The following BCAP29 variants were observed in gnomAD, a reference collection of about 807,000 sequenced individuals.
The protein encoded by BCAP29 is B-cell receptor-associated protein 29.
BCAP29 carries 34 observed loss-of-function variants against 31.8 expected under a neutral mutation model. The ratio of observed to expected loss-of-function variants is 1.07; its 90% CI spans 0.81 to 1.42. BCAP29 has a LOEUF of 1.42. Ranked by LOEUF, BCAP29 falls within the 40% of genes most tolerant of loss-of-function variation. The pLI, the probability that BCAP29 is intolerant of heterozygous loss-of-function variation, is 0.00. For missense variants in BCAP29, 314 were observed against 269.2 expected, an observed-to-expected ratio of 1.17 and a Z score of -1.16; for synonymous variants, 104 against 91.3, an observed-to-expected ratio of 1.14 and a Z score of -0.79.
Position 107,595,902 on chromosome 7 carries a change from T to C in BCAP29, c.380T>C (p.Leu127Pro). Residue 127 changes from leucine (L) to proline (P), a missense_variant, in exon 5 of 8, where the codon CTG becomes CCG. Physicochemically the swap from Leu to Pro is moderately conservative, Grantham distance 98. Transcript: ENST00000005259. ...CGTCTGGTTACGCTTATTACTCAAC[T>C]GGCAAAAGAACTGTCAAACAAAGGT... ...LRRLVTLITQ[L>P]AKELSNKGVL... The C allele has an allele frequency of 6.2e-7, 1 of 1,602,900 alleles. No homozygotes were observed. Among genetic ancestry groups the C allele is most frequent in the Non-Finnish European group, 8.5e-7 (1 of 1,176,676 alleles).
rs1475589518 is a variant in BCAP29 at position 107,613,419 on chromosome 7, ACT to A, written c.680_681del (p.Ser227Ter). On this transcript the variant is annotated frameshift_variant, in exon 7 of 8. Transcript: ENST00000005259. LOFTEE classifies it high-confidence loss of function. ...GAATATGATCAACTCCTGAAAGAAC[ACT>A]CTGAACTTCAGGTGGGTGTGACATG... is the stretch of plus-strand genomic sequence containing the variant. The A allele has an allele frequency of 1.9e-6, 3 of 1,606,300 alleles. No individual in the cohort carries two copies. In the African/African-American group the frequency reaches 4.0e-5, roughly 22 times the overall value.
chr7:107,599,418 G>A (rs1810741151), intron 5 of BCAP29, among the ~76,000 whole-genome samples: 1 of 142,850 alleles, frequency 7.0e-6, no homozygotes, highest in African/African-American at 2.6e-5. Flanking sequence ...TACTCAAGAG[G>A]CTGAGATGGG....
At chr7:107,605,980 G>A (rs73419498) in intron 6 of BCAP29, among the ~76,000 whole-genome samples, 3,604 of 152,192 alleles carry the variant, frequency 0.024, 151 homozygotes, top group African/African-American at 0.081. Context: ...TTTCTACAAT[G>A]AATTTCTTTT....
chr7:107,584,088 G>C (rs182465945), intron 3 of BCAP29, 106 bp downstream of exon 3: 1 of 571,260 alleles, frequency 1.8e-6, no homozygotes, highest in Admixed American at 3.7e-5. Context: ...ACTTTATATA[G>C]TATATTGATA....
intron 6 of BCAP29, among the ~76,000 whole-genome samples, chr7:107,608,014 G>A (rs1350505307): frequency 2.0e-5 from 3 of 152,092 alleles, no homozygotes; most frequent in Non-Finnish European, 4.4e-5. Context: ...TGTATCAAGA[G>A]TACATATTAT....
intron 7 of BCAP29, chr7:107,615,761 G>T (rs946736020): frequency 2.8e-5 from 5 of 176,528 alleles, no homozygotes; most frequent in Non-Finnish European, 6.2e-5. Flanking sequence ...CTTGTATCCA[G>T]TTTTTGAAAT....
intron 3 of BCAP29, among the ~76,000 whole-genome samples, chr7:107,589,148 A>AACTGT (rs1047680632): frequency 2.0e-5 from 3 of 152,202 alleles, no homozygotes; most frequent in Admixed American, 6.5e-5. Context: ...AACAGCTGTA[A>AACTGT]ACTGTACATC....
Position 107,618,665 on chromosome 7 carries a change from T to C in BCAP29, c.*302T>C. On this transcript the variant is annotated 3_prime_UTR_variant, in exon 8 of 8. Transcript: ENST00000005259. ...AAAAGGAAAAAATTCATTAACCGGT[T>C]GCTTCCAAAATTAGAAGTTTTAAGT... 1 of 1,325,814 alleles carries C rather than the reference T, an allele frequency of 7.5e-7. No individual in the cohort carries two copies. Among genetic ancestry groups the C allele is most frequent in the South Asian group, 1.6e-5 (1 of 61,548 alleles). The allele number at this position is 1,325,814 out of a possible 1,614,324, so 82.1% of individuals were successfully genotyped here. A position where few individuals can be genotyped will look rare whatever the true frequency, so the allele number is the denominator to read the frequency against.
chr7:107,593,060 G>A (rs1296710829), intron 3 of BCAP29, among the ~76,000 whole-genome samples: 1 of 152,174 alleles, frequency 6.6e-6, no homozygotes, highest in African/African-American at 2.4e-5. Flanking sequence ...TTTATGGTAT[G>A]TGAATTACAT....
intron 3 of BCAP29, chr7:107,587,493 A>G (rs1165004809): frequency 2.6e-5 from 4 of 152,334 alleles, no homozygotes; most frequent in African/African-American, 4.8e-5. Context: ...GATCCTTCAT[A>G]GTACTCACTA....
chr7:107,615,543 C>T, intron 7 of BCAP29: 1 of 302,748 alleles, frequency 3.3e-6, no homozygotes, highest in South Asian at 3.0e-5. Flanking sequence ...TTGCAGTGAG[C>T]CGAGATCGCG....
chr7:107,613,202 C>A, intron 6 of BCAP29, 130 bp from the exon 7 acceptor site: 2 of 626,146 alleles, frequency 3.2e-6, no homozygotes, highest in South Asian at 2.5e-5. Context: ...AATATGATAA[C>A]AAATGTAGCA....
chr7:107,611,094 A>G (rs1438520593), intron 6 of BCAP29, among the ~76,000 whole-genome samples: 2 of 152,166 alleles, frequency 1.3e-5, no homozygotes, highest in African/African-American at 4.8e-5. Context: ...GGAAAGGGAA[A>G]GGCAGCTCTC....
intron 7 of BCAP29, 81 bp downstream of exon 7, chr7:107,613,513 T>G (rs1392626408): frequency 1.2e-5 from 16 of 1,345,546 alleles, no homozygotes; most frequent in Non-Finnish European, 1.6e-5. Context: ...TATTTGTCCT[T>G]AACTAATCAA....
chr7:107,580,279 G>A lies in BCAP29; in HGVS notation c.-37G>A, dbSNP rs1806331134. 1 of 152,030 alleles carries A rather than the reference G, an allele frequency of 6.6e-6. No individual in the cohort carries two copies. The highest frequency in any genetic ancestry group is 1.9e-4 in the East Asian group (1 of 5,172). The allele number at this position is 152,030 out of a possible 1,614,324, so 9.4% of individuals were successfully genotyped here. ...CGTCGGCGGCCGCGGAGCAGCGCAG[G>A]GAGCCAGGCGGGCTGCCGGCGGGTA... On this transcript the variant is annotated 5_prime_UTR_variant, in exon 1 of 8. Coordinates refer to ENST00000005259, the MANE Select transcript of BCAP29 (RefSeq NM_018844.4).
rs201820711 is a variant in BCAP29 at position 107,580,879 on chromosome 7, A to G, written c.92+15A>G. ...CCTCCTCAGAGGTAGGAAACCTTCA[A>G]ATCGTTAACTAATAAATATTGGATC... On this transcript the variant is annotated intron_variant, in intron 2 of 7. Transcript: ENST00000005259. 308 of 1,537,294 alleles carry G rather than the reference A, an allele frequency of 2.0e-4. No homozygotes were observed. Among genetic ancestry groups the G allele is most frequent in the East Asian group, 7.4e-4 (31 of 41,700 alleles).
intron 3 of BCAP29, among the ~76,000 whole-genome samples, chr7:107,592,205 T>C (rs116012859): frequency 0.01 from 1,586 of 152,190 alleles, 17 homozygotes; most frequent in African/African-American, 0.036. Context: ...AAATTCTCAG[T>C]TTGAAAAAAA....
At chr7:107,602,230 A>G (rs946711170) in intron 6 of BCAP29, among the ~76,000 whole-genome samples, 1 of 152,164 alleles carries the variant, frequency 6.6e-6, no homozygotes, top group Non-Finnish European at 1.5e-5. Context: ...CAAGACATAT[A>G]ATATTTTATG....
At chr7:107,604,682 GTTGTTT>G (rs1399128519) in intron 6 of BCAP29, among the ~76,000 whole-genome samples, 31 of 142,346 alleles carry the variant, frequency 2.2e-4, no homozygotes, top group East Asian at 4.0e-4. Context: ...TGTTGTTGTT[GTTGTTT>G]TTTTTTTTTT....
Sources: gnomAD v4.1 joint callset for allele counts (sites outside exome capture counted in the v4.1 genomes callset) on GRCh38, gnomAD v4.1.1 for gene constraint, MANE v1.5 for transcripts, NCBI Gene and HGNC (gene_info 2026-07-23, HGNC 2026-07-21) for gene names.